The following CAMSAP1 variants were observed in gnomAD, a reference collection of about 807,000 sequenced individuals.
The protein encoded by CAMSAP1 is calmodulin regulated spectrin associated protein 1.
CAMSAP1 carries 58 observed loss-of-function variants against 143.5 expected under a neutral mutation model. The observed-to-expected ratio is 0.40, with a 90% confidence interval of 0.33 to 0.50. The LOEUF (loss-of-function observed/expected upper bound fraction) is 0.50. Ranked by LOEUF, CAMSAP1 falls within the 20% of genes least tolerant of loss-of-function variation. The pLI is 0.45. For missense variants in CAMSAP1, 1,969 were observed against 2,115.7 expected, an observed-to-expected ratio of 0.93 and a Z score of 1.36; for synonymous variants, 945 against 859.3, an observed-to-expected ratio of 1.10 and a Z score of -1.74.
In CAMSAP1 at chr9:135,812,109, G is replaced by C. The variant is rs147812642; in HGVS notation, c.4507-498C>G. On this transcript the variant is annotated intron_variant, in intron 16 of 16. Transcript: ENST00000389532. ...ATTCCTCTCTCACATATGTACTCAA[G>C]GGAAATGAAAACACGCATCCATACA... 7.8e-4 allele frequency among the ~76,000 whole-genome samples: 119 copies of C among 152,250 alleles called. No homozygotes were observed. The South Asian group carries it at 0.012, about 16-fold the overall frequency.
At chr9:135,860,130 A>AT (rs1837131085) in intron 5 of CAMSAP1, among the ~76,000 whole-genome samples, 1 of 152,082 alleles carries the variant, frequency 6.6e-6, no homozygotes, top group Non-Finnish European at 1.5e-5. Flanking sequence ...TTGAGATGGG[A>AT]TAATCACCTG....
chr9:135,883,721 A>G (rs1438442125), intron 1 of CAMSAP1, among the ~76,000 whole-genome samples: 1 of 152,218 alleles, frequency 6.6e-6, no homozygotes, highest in African/African-American at 2.4e-5. Flanking sequence ...AACTCTTGAC[A>G]TGAACCACGC....
chr9:135,880,958 C>T (rs75357541), intron 3 of CAMSAP1, among the ~76,000 whole-genome samples: 2,058 of 152,176 alleles, frequency 0.014, 49 homozygotes, highest in African/African-American at 0.047. Context: ...TGGGAAAATG[C>T]CATTTTTTTT....
chr9:135,866,693 G>C (rs1837390900), intron 3 of CAMSAP1, among the ~76,000 whole-genome samples, 157 bp from the exon 4 acceptor site: 1 of 152,098 alleles, frequency 6.6e-6, no homozygotes, highest in South Asian at 2.1e-4. Flanking sequence ...GAAGTACACG[G>C]ATTCCACATG....
rs530513167 is a variant in CAMSAP1, at chr9:135,893,229, G to GGAGAA, written c.161-10156_161-10152dup. ...AGAGGAGGACAGTGAAAGAAGAAAAGGAGAAGAGAAGAGAGACGAGAAGGA... is the reference window on the plus strand; with the variant it reads ...AGAGGAGGACAGTGAAAGAAGAAAAGGAGAAGAGAAGAGAAGAGAGACGAGAAGGA... On this transcript the variant is annotated intron_variant, in intron 1 of 16. Transcript: ENST00000389532. 8.0e-5 allele frequency among the ~76,000 whole-genome samples: 12 copies of GGAGAA among 149,450 alleles called. No individual in the cohort carries two copies. The East Asian group carries it at 1.8e-3, about 22-fold the overall frequency.
At chr9:135,847,175 G>A (rs1380516476) in intron 7 of CAMSAP1, among the ~76,000 whole-genome samples, 11 of 149,624 alleles carry the variant, frequency 7.4e-5, no homozygotes, top group East Asian at 4.1e-4. Flanking sequence ...GTGAAACCCC[G>A]TCTCTACTAA....
chr9:135,886,587 C>A (rs2130995279), intron 1 of CAMSAP1, among the ~76,000 whole-genome samples: 1 of 152,342 alleles, frequency 6.6e-6, no homozygotes, highest in South Asian at 2.1e-4. Context: ...GCTGGGAGGA[C>A]CTGGGCCCTG....
intron 7 of CAMSAP1, among the ~76,000 whole-genome samples, chr9:135,830,485 A>C (rs916721995): frequency 6.6e-6 from 1 of 152,254 alleles, no homozygotes; most frequent in African/African-American, 2.4e-5. Flanking sequence ...TTCAACAGAA[A>C]GCTGTAACAA....
Position 135,833,168 on chromosome 9 carries a change from G to A in CAMSAP1, c.1046-5584C>T, listed in dbSNP as rs187870710. On this transcript the variant is annotated intron_variant, in intron 7 of 16. Coordinates refer to ENST00000389532, the MANE Select transcript of CAMSAP1 (RefSeq NM_015447.4). ...GCGATCTCGGCTCACTGCAAGCTCCGCCTCCCGGATTCACGCCATTCTCTT... is the reference window on the plus strand; with the variant it reads ...GCGATCTCGGCTCACTGCAAGCTCCACCTCCCGGATTCACGCCATTCTCTT... 7.1e-3 allele frequency among the ~76,000 whole-genome samples: 1,023 copies of A among 144,374 alleles called. 12 individuals carry two copies. Among genetic ancestry groups the A allele is most frequent in the African/African-American group, 0.025 (963 of 38,756 alleles). The allele number at this position is 144,374 out of a possible 152,430, so 94.7% of individuals were successfully genotyped here.
intron 5 of CAMSAP1, among the ~76,000 whole-genome samples, chr9:135,858,609 C>T (rs1588479782): frequency 1.3e-5 from 2 of 152,170 alleles, no homozygotes; most frequent in South Asian, 2.1e-4. Flanking sequence ...GTAGGACATA[C>T]GAGAAGGGAT....
intron 7 of CAMSAP1, among the ~76,000 whole-genome samples, chr9:135,844,066 C>T (rs1417016950): frequency 6.6e-6 from 1 of 151,920 alleles, no homozygotes; most frequent in East Asian, 1.9e-4. Context: ...ATTAACAATA[C>T]TCAGGACTTG....
intron 16 of CAMSAP1, among the ~76,000 whole-genome samples, chr9:135,814,309 G>A (rs373759569): frequency 1.3e-5 from 2 of 152,348 alleles, no homozygotes. Flanking sequence ...AGGACCAGGG[G>A]TTAGTCTTAA....
intron 4 of CAMSAP1, among the ~76,000 whole-genome samples, chr9:135,865,881 G>A (rs147496875): frequency 3.0e-4 from 46 of 152,334 alleles, no homozygotes; most frequent in African/African-American, 8.7e-4. Flanking sequence ...CTTATAGATG[G>A]TCGGGCTGCA....
chr9:135,865,634 CA>C (rs1837348919), intron 4 of CAMSAP1, among the ~76,000 whole-genome samples: 1 of 152,312 alleles, frequency 6.6e-6, no homozygotes, highest in East Asian at 1.9e-4. Flanking sequence ...TACCAAAAGG[CA>C]AGAAGTCAGC....
chr9:135,901,540 A>G (rs144082313), intron 1 of CAMSAP1, among the ~76,000 whole-genome samples: 13 of 152,250 alleles, frequency 8.5e-5, no homozygotes, highest in African/African-American at 2.9e-4. Context: ...CTTGAGCTCA[A>G]GGAGGTCAAG....
At chr9:135,871,248 G>C (rs1024188464) in intron 3 of CAMSAP1, among the ~76,000 whole-genome samples, 3 of 152,168 alleles carry the variant, frequency 2.0e-5, no homozygotes, top group Non-Finnish European at 4.4e-5. Flanking sequence ...AAGTGCAGTG[G>C]CATAATCACG....
At chr9:135,840,624 T>G (rs752756091) in intron 7 of CAMSAP1, among the ~76,000 whole-genome samples, 1 of 152,084 alleles carries the variant, frequency 6.6e-6, no homozygotes, top group Non-Finnish European at 1.5e-5. Flanking sequence ...CCCAGCAAGA[T>G]CAACACAGAA....
At chr9:135,863,005 G>A (rs537790752) in intron 4 of CAMSAP1, among the ~76,000 whole-genome samples, 6 of 152,254 alleles carry the variant, frequency 3.9e-5, no homozygotes, top group Admixed American at 3.3e-4. Context: ...ACATCCTGAC[G>A]CTCAGAAGAC....
At chr9:135,884,107 T>C (rs1353835578) in intron 1 of CAMSAP1, among the ~76,000 whole-genome samples, 1 of 152,194 alleles carries the variant, frequency 6.6e-6, no homozygotes, top group African/African-American at 2.4e-5. Flanking sequence ...CCCAGGTCTT[T>C]AATGTGCCCC....
Sources: allele counts gnomAD v4.1 joint callset (sites outside exome capture counted in the v4.1 genomes callset), GRCh38; gene constraint gnomAD v4.1.1; transcripts MANE v1.5; gene names NCBI Gene and HGNC (gene_info 2026-07-23, HGNC 2026-07-21).